SLC24A2: variants seen among roughly 807,000 people sequenced by gnomAD.
SLC24A2 encodes sodium/potassium/calcium exchanger 2.
In SLC24A2, 36 loss-of-function variants were observed where a neutral mutation model predicts 62.0. The ratio of observed to expected loss-of-function variants is 0.58; its 90% confidence interval spans 0.44 to 0.77. The LOEUF (loss-of-function observed/expected upper bound fraction) is 0.77, where lower values mean the gene tolerates loss of function less well. Among genes scored for constraint, SLC24A2 ranks in the 30% least tolerant of loss-of-function variants. The pLI is 0.00. For synonymous variants in SLC24A2, 358 were observed against 294.0 expected, an observed-to-expected ratio of 1.22 and a Z score of -2.23; for missense variants, 846 against 817.9, an observed-to-expected ratio of 1.03 and a Z score of -0.42.
At chr9:19,543,417 A>G (rs1350299546) in intron 8 of SLC24A2, among the ~76,000 whole-genome samples, 1 of 143,662 alleles carries the variant, frequency 7.0e-6, no homozygotes, top group South Asian at 2.2e-4. Context: ...AGGGTTTTTC[A>G]TGTCTCTATC....
chr9:20,101,798 C>A, the SLC24A2 span, among the ~76,000 whole-genome samples: 2 of 152,058 alleles, frequency 1.3e-5, no homozygotes, highest in South Asian at 4.2e-4. Flanking sequence ...CACTGAGGAA[C>A]TTACCTTAAG....
At chr9:19,769,265 C>T (rs887614308) in intron 2 of SLC24A2, among the ~76,000 whole-genome samples, 5 of 152,196 alleles carry the variant, frequency 3.3e-5, no homozygotes, top group Admixed American at 2.6e-4. Flanking sequence ...CAGCAAATGT[C>T]GTTAGCTCTA....
chr9:20,205,858 C>G, the SLC24A2 span, among the ~76,000 whole-genome samples: 4 of 152,152 alleles, frequency 2.6e-5, no homozygotes, highest in Admixed American at 2.6e-4. Context: ...ATGACCATGA[C>G]AGCTTCTCAG....
At position 19,536,034 on chromosome 9, in the gene SLC24A2, T is replaced by C. The variant is rs1040789627; in HGVS notation, c.1480-7896A>G. On this transcript the variant is annotated intron_variant, in intron 8 of 10. Coordinates refer to ENST00000341998, the MANE Select transcript of SLC24A2 (RefSeq NM_020344.4). ...TATTTCCTTGAGCAGTGGTTTGCAG[T>C]TCTCCTTGAAGAGGTCCTTCACATC... Among the ~76,000 whole-genome samples the C allele has an allele frequency of 2.0e-5, 3 of 152,086 alleles. No homozygotes were observed. The East Asian group carries it at 5.8e-4, about 29-fold the overall frequency.
intron 4 of SLC24A2, among the ~76,000 whole-genome samples, chr9:19,610,895 T>C (rs893410935): frequency 1.3e-5 from 2 of 152,240 alleles, no homozygotes; most frequent in Non-Finnish European, 2.9e-5. Flanking sequence ...GGGGCCCACT[T>C]GTGCCAGACA....
the SLC24A2 span, among the ~76,000 whole-genome samples, chr9:19,911,228 C>G: frequency 6.6e-6 from 1 of 151,992 alleles, no homozygotes; most frequent in Non-Finnish European, 1.5e-5. Flanking sequence ...TCATCCATGT[C>G]CCTACAAAGG....
the SLC24A2 span, among the ~76,000 whole-genome samples, chr9:19,864,619 A>G: frequency 2.6e-3 from 391 of 152,148 alleles, 3 homozygotes; most frequent in African/African-American, 8.2e-3. Flanking sequence ...ATGAAAAGGC[A>G]TTTGGTAAAA....
rs776276344 is a variant in SLC24A2, at chr9:19,786,789, T to C, written c.78A>G (p.Arg26=). The change falls in exon 2 of 11, where the codon AGA becomes AGG. Residue 26 remains arginine (R), a synonymous_variant. Coordinates refer to ENST00000341998, the MANE Select transcript of SLC24A2 (RefSeq NM_020344.4). The surrounding 1 kb of genome is among the most constrained non-coding windows in gnomAD (Gnocchi z 5.0). ...TCAGTTTTTTCTTGACACTATAATG[T>C]CTTCTGCAGCCAGACAGTGACTCAT... ...CLDESLSGCR[R]HYSVKKKLKL... 1.2e-6 allele frequency: 2 copies of C among 1,609,066 alleles called. No homozygotes were observed. Among genetic ancestry groups the C allele is most frequent in the Non-Finnish European group, 1.7e-6 (2 of 1,178,166 alleles).
the SLC24A2 span, among the ~76,000 whole-genome samples, chr9:19,961,700 A>G: frequency 6.6e-6 from 1 of 152,238 alleles, no homozygotes; most frequent in Non-Finnish European, 1.5e-5. Flanking sequence ...TAAAGTGGAA[A>G]TGACAGTGTA....
At chr9:20,036,149 G>C in the SLC24A2 span, among the ~76,000 whole-genome samples, 1 of 151,978 alleles carries the variant, frequency 6.6e-6, no homozygotes, top group Non-Finnish European at 1.5e-5. Flanking sequence ...CCTCCCAAGC[G>C]GCAATAACAT....
At chr9:19,704,725 T>G (rs1247791362) in intron 2 of SLC24A2, among the ~76,000 whole-genome samples, 1 of 151,894 alleles carries the variant, frequency 6.6e-6, no homozygotes, top group African/African-American at 2.4e-5. Context: ...ATAAGAATTT[T>G]CCACTAAGTG....
At chr9:20,013,768 G>T in the SLC24A2 span, among the ~76,000 whole-genome samples, 1 of 152,052 alleles carries the variant, frequency 6.6e-6, no homozygotes, top group African/African-American at 2.4e-5. Context: ...ATGGGCAAAG[G>T]AGCAGAATAG....
the SLC24A2 span, among the ~76,000 whole-genome samples, chr9:20,221,001 A>G: frequency 2.0e-5 from 3 of 152,186 alleles, no homozygotes; most frequent in Admixed American, 6.5e-5. Flanking sequence ...CTAGGTGCTT[A>G]ACCTACAGAG....
At chr9:20,097,844 G>A in the SLC24A2 span, among the ~76,000 whole-genome samples, 1 of 134,912 alleles carries the variant, frequency 7.4e-6, no homozygotes, top group Non-Finnish European at 1.5e-5. Context: ...CCGGGTTTAC[G>A]CCATTCTCCT....
At chr9:20,084,999 G>C in the SLC24A2 span, among the ~76,000 whole-genome samples, 2 of 152,002 alleles carry the variant, frequency 1.3e-5, no homozygotes, top group African/African-American at 2.4e-5. Flanking sequence ...TGTTCTGTTT[G>C]TTTTGTTTTG....
the SLC24A2 span, among the ~76,000 whole-genome samples, chr9:20,299,649 A>G: frequency 6.6e-6 from 1 of 152,334 alleles, no homozygotes; most frequent in East Asian, 1.9e-4. Flanking sequence ...ACTCAAGGAC[A>G]ATCCTCTCCC....
the SLC24A2 span, among the ~76,000 whole-genome samples, chr9:20,276,144 C>T: frequency 1.3e-5 from 2 of 152,158 alleles, no homozygotes; most frequent in Non-Finnish European, 2.9e-5. Flanking sequence ...TCATTTCAGC[C>T]TTAACTCAAA....
chr9:19,960,805 A>T, the SLC24A2 span, among the ~76,000 whole-genome samples: 9 of 152,164 alleles, frequency 5.9e-5, no homozygotes, highest in Non-Finnish European at 1.0e-4. Context: ...AGTAGTATTT[A>T]CTTCACAGGG....
the SLC24A2 span, among the ~76,000 whole-genome samples, chr9:19,890,186 A>T: frequency 6.6e-6 from 1 of 152,256 alleles, no homozygotes; most frequent in East Asian, 1.9e-4. Context: ...CACCCAAGCC[A>T]AATGCTGGAG....
Sources: allele counts gnomAD v4.1 joint callset (sites outside exome capture counted in the v4.1 genomes callset), GRCh38; gene constraint gnomAD v4.1.1; non-coding constraint Gnocchi (gnomAD v3.1); transcripts MANE v1.5; gene names NCBI Gene and HGNC (gene_info 2026-07-23, HGNC 2026-07-21).